The following ATP8A2 variants were observed in gnomAD, a reference collection of about 807,000 sequenced individuals.
The protein encoded by ATP8A2 is ATPase phospholipid transporting 8A2.
A neutral mutation model predicts 165.6 loss-of-function variants in ATP8A2; 100 were observed. The observed-to-expected ratio is 0.60, with a 90% CI of 0.51 to 0.71. The LOEUF (loss-of-function observed/expected upper bound fraction) is 0.71. Ranked by LOEUF, ATP8A2 falls within the 30% of genes least tolerant of loss-of-function variation. The probability of loss-of-function intolerance (pLI) is 0.00; values close to 1 mark genes in which losing one functional copy is unlikely to be tolerated. For synonymous variants in ATP8A2, 543 were observed against 548.8 expected (o/e 0.99, Z 0.15); for missense variants, 1,227 against 1,479.5 (o/e 0.83, Z 2.80).
intron 2 of ATP8A2, among the ~76,000 whole-genome samples, chr13:25,526,885 G>A (rs1593462454): frequency 1.3e-5 from 2 of 152,250 alleles, no homozygotes; most frequent in South Asian, 2.1e-4. Flanking sequence ...TCAAGATGAT[G>A]GGGAAGCTGC....
At chr13:25,966,516 G>A (rs1309318121) in intron 34 of ATP8A2, among the ~76,000 whole-genome samples, 1 of 152,320 alleles carries the variant, frequency 6.6e-6, no homozygotes, top group South Asian at 2.1e-4. Context: ...CTCAGGTGCT[G>A]TTAAATGCAT....
intron 27 of ATP8A2, among the ~76,000 whole-genome samples, chr13:25,805,183 C>T (rs1950705646): frequency 6.6e-6 from 1 of 152,010 alleles, no homozygotes; most frequent in Non-Finnish European, 1.5e-5. Context: ...TTATTTTTTC[C>T]ATCTACCCTA....
chr13:25,627,629 C>CCTTGAT (rs2041136766), intron 24 of ATP8A2, among the ~76,000 whole-genome samples: 2 of 152,142 alleles, frequency 1.3e-5, no homozygotes, highest in African/African-American at 4.8e-5. Context: ...TTGGCTGACA[C>CCTTGAT]CTTGATCTTT....
At position 25,443,903 on chromosome 13, in the gene ATP8A2, A is replaced by G. The variant is rs554392315; in HGVS notation, c.77-25074A>G. ...ATAAGTAAAATAAGCCACTTAAATG[A>G]TAAATGCATTTGGCATATTTTATTT... On this transcript the variant is annotated intron_variant, in intron 1 of 36. Coordinates refer to ENST00000381655, the MANE Select transcript of ATP8A2 (RefSeq NM_016529.6). 2.0e-5 allele frequency among the ~76,000 whole-genome samples: 3 copies of G among 152,384 alleles called. No individual in the cohort carries two copies. The East Asian group carries it at 5.8e-4, about 29-fold the overall frequency.
At chr13:25,478,621 G>A (rs2036063555) in intron 2 of ATP8A2, among the ~76,000 whole-genome samples, 1 of 152,142 alleles carries the variant, frequency 6.6e-6, no homozygotes, top group African/African-American at 2.4e-5. Flanking sequence ...TATATTAGAT[G>A]TCATTAAAAA....
At chr13:25,642,953 T>C (rs2041571141) in intron 24 of ATP8A2, among the ~76,000 whole-genome samples, 1 of 151,942 alleles carries the variant, frequency 6.6e-6, no homozygotes, top group Non-Finnish European at 1.5e-5. Flanking sequence ...CTCAGCAAAC[T>C]ATAGCAAGGA....
chr13:25,452,148 T>G (rs990384134), intron 1 of ATP8A2, among the ~76,000 whole-genome samples: 1 of 152,166 alleles, frequency 6.6e-6, no homozygotes, highest in South Asian at 2.1e-4. Context: ...CCACCGTGCC[T>G]GGCCTAACCT....
rs532522768 is a variant in ATP8A2, at chr13:25,752,193, G to T, written c.2385-16853G>T. Among the ~76,000 whole-genome samples, 10 of 152,230 alleles carry T rather than the reference G, an allele frequency of 6.6e-5. No individual in the cohort carries two copies. The South Asian group carries it at 2.1e-3, about 32-fold the overall frequency. On this transcript the variant is annotated intron_variant, in intron 25 of 36. Coordinates refer to ENST00000381655, the MANE Select transcript of ATP8A2 (RefSeq NM_016529.6). ...TTATCCTAAGAGGCCAGGCGCAGTG[G>T]CTCACGCCTGTAATCCCAACACTTC...
intron 8 of ATP8A2, 30 bp from the exon 9 acceptor site, chr13:25,541,889 T>C (rs1389899096): frequency 6.8e-6 from 11 of 1,613,434 alleles, no homozygotes; most frequent in Admixed American, 1.7e-5. Flanking sequence ...AAGATTGTGT[T>C]TGACTTCCTC....
At chr13:25,719,136 C>T (rs1300486734) in intron 25 of ATP8A2, among the ~76,000 whole-genome samples, 1 of 152,238 alleles carries the variant, frequency 6.6e-6, no homozygotes, top group Non-Finnish European at 1.5e-5. Context: ...GTGTCGGAAA[C>T]TTCCGTGATC....
chr13:25,630,449 A>G (rs1231655503), intron 24 of ATP8A2, among the ~76,000 whole-genome samples: 1 of 152,108 alleles, frequency 6.6e-6, no homozygotes, highest in Non-Finnish European at 1.5e-5. Flanking sequence ...CACTAATTTC[A>G]CCATGTCAGT....
intron 25 of ATP8A2, among the ~76,000 whole-genome samples, chr13:25,709,713 GA>G (rs2043122795): frequency 1.3e-5 from 2 of 151,960 alleles, no homozygotes; most frequent in African/African-American, 2.4e-5. Flanking sequence ...TTTTTTAAGG[GA>G]AAAAAGTAAA....
chr13:25,946,997 C>T (rs1018043572), intron 33 of ATP8A2, among the ~76,000 whole-genome samples: 2 of 152,186 alleles, frequency 1.3e-5, no homozygotes, highest in African/African-American at 4.8e-5. Context: ...ATCCACCCAC[C>T]TCGGCCTCCT....
chr13:25,422,518 T>TA (rs773316824), intron 1 of ATP8A2, among the ~76,000 whole-genome samples: 62 of 152,306 alleles, frequency 4.1e-4, no homozygotes, highest in South Asian at 1.0e-3. Flanking sequence ...ACAGCCTTTT[T>TA]AAAAAATTAC....
At chr13:25,622,588 A>C (rs182252180) in intron 24 of ATP8A2, among the ~76,000 whole-genome samples, 81 of 152,298 alleles carry the variant, frequency 5.3e-4, no homozygotes, top group Non-Finnish European at 8.7e-4. Flanking sequence ...GAAATGCCCC[A>C]AAACCTGAAA....
intron 33 of ATP8A2, among the ~76,000 whole-genome samples, chr13:25,908,590 C>T (rs1016182302): frequency 9.9e-5 from 15 of 152,234 alleles, no homozygotes; most frequent in Non-Finnish European, 1.5e-4. Flanking sequence ...AAATTCCAGA[C>T]GCCCCATGGC....
intron 28 of ATP8A2, among the ~76,000 whole-genome samples, chr13:25,834,336 C>G (rs1951552390): frequency 6.6e-6 from 1 of 152,124 alleles, no homozygotes; most frequent in Non-Finnish European, 1.5e-5. Context: ...CTTTCAAAAT[C>G]CTTTGAAAGG....
intron 25 of ATP8A2, among the ~76,000 whole-genome samples, chr13:25,707,591 C>T (rs1198507640): frequency 2.0e-5 from 3 of 152,200 alleles, no homozygotes; most frequent in Non-Finnish European, 2.9e-5. Context: ...TGCTTGTCAG[C>T]TATGAGCAAC....
In ATP8A2 at chr13:25,681,980, C is replaced by G. The variant is rs535447724; in HGVS notation, c.2212-17193C>G. Among the ~76,000 whole-genome samples the G allele has an allele frequency of 2.0e-4, 30 of 152,262 alleles. No individual in the cohort carries two copies. The South Asian group carries it at 6.2e-3, about 32-fold the overall frequency. ...GTCGAGTGACGGCGTTGGACTAGAACCCAGGCTGAGAGAGCACTGCGGTCC... is the reference window on the plus strand; with the variant it reads ...GTCGAGTGACGGCGTTGGACTAGAAGCCAGGCTGAGAGAGCACTGCGGTCC... On this transcript the variant is annotated intron_variant, in intron 24 of 36. Coordinates refer to ENST00000381655, the MANE Select transcript of ATP8A2 (RefSeq NM_016529.6).
Sources: gnomAD v4.1 joint callset for allele counts (sites outside exome capture counted in the v4.1 genomes callset) on GRCh38, gnomAD v4.1.1 for gene constraint, MANE v1.5 for transcripts, NCBI Gene and HGNC (gene_info 2026-07-23, HGNC 2026-07-21) for gene names.